The following FCF1 variants were observed in gnomAD, a reference collection of about 807,000 sequenced individuals.
FCF1 encodes the protein rRNA-processing protein FCF1 homolog.
Under a neutral mutation model 32.5 loss-of-function variants are expected in FCF1, and 17 were observed. The ratio of observed to expected loss-of-function variants is 0.52; its 90% CI spans 0.36 to 0.78. The LOEUF (loss-of-function observed/expected upper bound fraction) is 0.78, where lower values mean the gene tolerates loss of function less well. Ranked by LOEUF, FCF1 falls within the 30% of genes least tolerant of loss-of-function variation. The probability of loss-of-function intolerance (pLI) is 0.00; values close to 1 mark genes in which losing one functional copy is unlikely to be tolerated. For synonymous variants in FCF1, 84 were observed against 78.4 expected (o/e 1.07, Z -0.38); for missense variants, 201 against 241.1 (o/e 0.83, Z 1.10).
chr14:74,727,194 A>T (rs2090587176), intron 5 of FCF1, among the ~76,000 whole-genome samples: 1 of 152,226 alleles, frequency 6.6e-6, no homozygotes, highest in African/African-American at 2.4e-5. Flanking sequence ...TGACTTCCAC[A>T]ATGGTTGAAC....
chr14:74,716,216 A>G (rs2090417530), intron 4 of FCF1, 117 bp downstream of exon 4: 3 of 974,216 alleles, frequency 3.1e-6, no homozygotes, highest in South Asian at 3.0e-5. Context: ...CATTTAATTT[A>G]CAGTGGTCAC....
rs377716020 is a variant in FCF1 at position 74,714,881 on chromosome 14, G to A, written c.81G>A (p.Lys27=). 4 of 1,581,560 alleles carry A rather than the reference G, an allele frequency of 2.5e-6. No individual in the cohort carries two copies. The highest frequency in any genetic ancestry group is 2.3e-5 in the East Asian group (1 of 44,102). ...ACCTTTTTCTTCCTAGTAAAGAAAA[G>A]GATAGATTAAAACCTAAAAAGAAAG... ...LSLRDQRLKE[K]DRLKPKKKEK... is the part of the protein sequence containing the mutation. The change falls in exon 3 of 8, where the codon AAG becomes AAA. Residue 27 remains lysine, a synonymous_variant. Coordinates refer to ENST00000341162, the MANE Select transcript of FCF1 (RefSeq NM_015962.5).
chr14:74,734,406 A>T (rs1177654876), intron 7 of FCF1, among the ~76,000 whole-genome samples: 2 of 152,106 alleles, frequency 1.3e-5, no homozygotes, highest in Non-Finnish European at 2.9e-5. Context: ...AAATAGACGT[A>T]TTGTTTTAAA....
intron 6 of FCF1, 124 bp downstream of exon 6, chr14:74,732,942 T>A (rs1375622761): frequency 3.4e-6 from 2 of 580,248 alleles, no homozygotes; most frequent in African/African-American, 1.9e-5. Context: ...TAAAAAAAAA[T>A]TGCATAGCAT....
intron 6 of FCF1, among the ~76,000 whole-genome samples, chr14:74,733,050 G>C (rs1466611100): frequency 6.6e-6 from 1 of 152,146 alleles, no homozygotes; most frequent in African/African-American, 2.4e-5. Flanking sequence ...TTGGGGAGGA[G>C]ACATGGGTTT....
intron 6 of FCF1, among the ~76,000 whole-genome samples, chr14:74,733,424 T>C (rs889154434): frequency 3.0e-4 from 1 of 3,370 alleles, no homozygotes; most frequent in South Asian, 0.011. Context: ...ATGGGGCGGG[T>C]GGGTGGGGCC....
intron 5 of FCF1, among the ~76,000 whole-genome samples, chr14:74,724,986 T>C (rs980078396): frequency 2.0e-5 from 3 of 152,028 alleles, no homozygotes; most frequent in Non-Finnish European, 4.4e-5. Context: ...CTTTTTTCGC[T>C]GTTATATGTG....
intron 4 of FCF1, among the ~76,000 whole-genome samples, chr14:74,721,574 G>T (rs1030218600): frequency 4.6e-5 from 7 of 151,974 alleles, no homozygotes; most frequent in Non-Finnish European, 1.0e-4. Flanking sequence ...GGTGGAGGGC[G>T]CCTGTAATCC....
intron 2 of FCF1, among the ~76,000 whole-genome samples, chr14:74,714,671 A>G (rs1364793260): frequency 6.6e-6 from 1 of 152,190 alleles, no homozygotes; most frequent in Non-Finnish European, 1.5e-5. Flanking sequence ...ATTACTGGTT[A>G]ATTCTGATAC....
At chr14:74,717,587 A>G (rs1404197175) in intron 4 of FCF1, among the ~76,000 whole-genome samples, 2 of 152,210 alleles carry the variant, frequency 1.3e-5, no homozygotes, top group African/African-American at 4.8e-5. Context: ...GAAATAATCT[A>G]AAGTTGAGGT....
At chr14:74,715,375 C>G (rs955532128) in intron 3 of FCF1, among the ~76,000 whole-genome samples, 1 of 151,878 alleles carries the variant, frequency 6.6e-6, no homozygotes, top group Admixed American at 6.6e-5. Flanking sequence ...TTTATGAAAA[C>G]TTTACCACAT....
At chr14:74,734,484 T>A (rs953410047) in intron 7 of FCF1, among the ~76,000 whole-genome samples, 3 of 151,848 alleles carry the variant, frequency 2.0e-5, no homozygotes, top group Non-Finnish European at 4.4e-5. Context: ...GATTTTTTTT[T>A]ATTAACACTT....
chr14:74,713,536 C>G lies in FCF1; in HGVS notation c.55C>G (p.Leu19Val), dbSNP rs769315614. 14 of 1,611,964 alleles carry G rather than the reference C, an allele frequency of 8.7e-6. No homozygotes were observed. The East Asian group carries it at 3.1e-4, about 36-fold the overall frequency. Residue 19 changes from leucine to valine, a missense_variant, in exon 2 of 8, where the codon CTC (leucine) becomes GTC (valine). By Grantham distance (32) the Leu-to-Val change is conservative. Transcript: ENST00000341162. ...KYATMKRMLS[L>V]RDQRLKEKDR... The stretch of plus-strand genomic sequence containing the variant: ...TGCGACCATGAAGCGAATGCTTAGT[C>G]TCAGAGATCAGAGGCTGTGAGTGTC...
chr14:74,731,859 C>A (rs886195162), intron 5 of FCF1, among the ~76,000 whole-genome samples: 1 of 152,158 alleles, frequency 6.6e-6, no homozygotes, highest in Non-Finnish European at 1.5e-5. Context: ...AGTGACTCAT[C>A]ATCACTGTTA....
chr14:74,735,113 A>G lies in FCF1; in HGVS notation c.*183A>G. Reference sequence around the variant, plus strand: ...ATCCAAAGGACTGAACCCTGAACAGAGTTAAGTTACCTTTTAAGCATTTTG... The same window carrying G: ...ATCCAAAGGACTGAACCCTGAACAGGGTTAAGTTACCTTTTAAGCATTTTG... On this transcript the variant is annotated 3_prime_UTR_variant, in exon 8 of 8. Transcript: ENST00000341162. The G allele has an allele frequency of 2.8e-6, 1 of 360,598 alleles. No individual in the cohort carries two copies. The highest frequency in any genetic ancestry group is 5.3e-6 in the Non-Finnish European group (1 of 189,504). The allele number at this position is 360,598 out of a possible 1,614,324, so 22.3% of individuals were successfully genotyped here.
intron 7 of FCF1, 64 bp downstream of exon 7, chr14:74,734,234 T>A: frequency 2.2e-6 from 2 of 927,246 alleles, no homozygotes; most frequent in Non-Finnish European, 3.5e-6. Context: ...AAAATGAGGA[T>A]AAGTGATAAG....
chr14:74,724,330 C>A (rs1430496149), intron 5 of FCF1, among the ~76,000 whole-genome samples: 1 of 152,174 alleles, frequency 6.6e-6, no homozygotes, highest in South Asian at 2.1e-4. Context: ...GTCACCCAGG[C>A]TGGAGTGCAG....
chr14:74,730,443 G>C (rs2090621148), intron 5 of FCF1, among the ~76,000 whole-genome samples: 2 of 152,098 alleles, frequency 1.3e-5, no homozygotes, highest in South Asian at 4.1e-4. Context: ...ACTGGGCATG[G>C]TGGTTCACGT....
chr14:74,721,820 T>G, intron 4 of FCF1, among the ~76,000 whole-genome samples: 1 of 152,320 alleles, frequency 6.6e-6, no homozygotes, highest in Non-Finnish European at 1.5e-5. Context: ...GGTATTTTGG[T>G]TATTTCCAGG....
Sources: gnomAD v4.1 joint callset for allele counts (sites outside exome capture counted in the v4.1 genomes callset) on GRCh38, gnomAD v4.1.1 for gene constraint, MANE v1.5 for transcripts, NCBI Gene and HGNC (gene_info 2026-07-23, HGNC 2026-07-21) for gene names.